GAS7: variants seen among roughly 807,000 people sequenced by gnomAD.
The protein encoded by GAS7 is growth arrest specific 7, also known as growth arrest-specific protein 7.
GAS7 carries 28 observed loss-of-function variants against 71.1 expected under a neutral mutation model. That is an observed-to-expected ratio of 0.39 (90% confidence interval 0.29 to 0.54). The LOEUF is 0.54. GAS7 is among the 20% of genes least tolerant of loss of function. The pLI, the probability that GAS7 is intolerant of heterozygous loss-of-function variation, is 0.62. For missense variants in GAS7, 436 were observed against 627.8 expected, an observed-to-expected ratio of 0.69 and a Z score of 3.27; for synonymous variants, 258 against 245.8, an observed-to-expected ratio of 1.05 and a Z score of -0.46.
At position 10,157,901 on chromosome 17, in the gene GAS7, AG is replaced by A. The variant is rs1298035057; in HGVS notation, c.183+40306del. ...ATCCACCTGCAGTCCCAGCTACTCT[AG>A]GAGGCTGGGATGGGAGGATTGCTTG... On this transcript the variant is annotated intron_variant, in intron 1 of 13. Transcript: ENST00000432992. Among the ~76,000 whole-genome samples, 5 of 152,284 alleles carry A rather than the reference AG, an allele frequency of 3.3e-5. No homozygotes were observed. The East Asian group carries it at 9.7e-4, about 29-fold the overall frequency.
At chr17:9,927,335 A>AC (rs57345129) in intron 9 of GAS7, among the ~76,000 whole-genome samples, 7 of 149,608 alleles carry the variant, frequency 4.7e-5, no homozygotes, top group African/African-American at 9.9e-5. Flanking sequence ...ACACACACAC[A>AC]AATTAGCTGG....
In GAS7 at chr17:9,943,216, T is replaced by C. The variant is rs1567803289; in HGVS notation, c.636A>G (p.Gln212=). 5 of 1,608,510 alleles carry C rather than the reference T, an allele frequency of 3.1e-6. No individual in the cohort carries two copies. The highest frequency in any genetic ancestry group is 3.4e-6 in the Non-Finnish European group (4 of 1,174,782). The part of the protein sequence containing the change: ...DYFWADKKDP[Q]GNGTVAGFEL... ...CAAACCCAGCCACGGTGCCGTTGCC[T>C]TGGGGGTCCTTCTTATCAGCCTACA... Residue 212 remains glutamine, a synonymous_variant, in exon 7 of 14, where the codon CAA becomes CAG. Coordinates refer to ENST00000432992, the MANE Select transcript of GAS7 (RefSeq NM_201433.2).
intron 1 of GAS7, among the ~76,000 whole-genome samples, chr17:10,160,710 TGTC>T (rs2074247416): frequency 6.6e-6 from 1 of 152,190 alleles, no homozygotes. Context: ...GTGCTTTGCT[TGTC>T]GTTTATTTCA....
intron 2 of GAS7, among the ~76,000 whole-genome samples, chr17:9,999,001 T>C (rs963368543): frequency 1.3e-5 from 2 of 152,210 alleles, no homozygotes; most frequent in Non-Finnish European, 2.9e-5. Context: ...TGTTGAACTG[T>C]AGCTTTTTAA....
intron 2 of GAS7, among the ~76,000 whole-genome samples, chr17:9,995,707 G>A (rs1183538362): frequency 1.3e-5 from 2 of 152,172 alleles, no homozygotes; most frequent in Non-Finnish European, 2.9e-5. Flanking sequence ...GTCTGTGAAA[G>A]GTAATTTGGA....
chr17:10,073,049 C>T lies in GAS7; in HGVS notation c.184-53152G>A, dbSNP rs569761904. Among the ~76,000 whole-genome samples, 81 of 152,222 alleles carry T rather than the reference C, an allele frequency of 5.3e-4. No individual in the cohort carries two copies. The South Asian group carries it at 6.4e-3, about 12-fold the overall frequency. On this transcript the variant is annotated intron_variant, in intron 1 of 13. Coordinates refer to ENST00000432992, the MANE Select transcript of GAS7 (RefSeq NM_201433.2). Reference sequence around the variant, plus strand: ...AAAGGTGGCCCTCCCCGGCCCAGGACCAGAGTGACAGCAAGGCAAAGGCTC... The same window carrying T: ...AAAGGTGGCCCTCCCCGGCCCAGGATCAGAGTGACAGCAAGGCAAAGGCTC...
intron 1 of GAS7, among the ~76,000 whole-genome samples, chr17:10,112,458 G>A (rs940124721): frequency 1.2e-4 from 18 of 152,182 alleles, no homozygotes; most frequent in African/African-American, 3.9e-4. Context: ...GAGTCTAGCC[G>A]GGCGCGGTGT....
At chr17:10,049,515 A>G (rs2073030486) in intron 1 of GAS7, among the ~76,000 whole-genome samples, 1 of 151,846 alleles carries the variant, frequency 6.6e-6, no homozygotes, top group African/African-American at 2.4e-5. Context: ...CGGTTGTTTC[A>G]ATTCTATTTC....
At chr17:10,082,290 A>G (rs1353190469) in intron 1 of GAS7, among the ~76,000 whole-genome samples, 1 of 152,188 alleles carries the variant, frequency 6.6e-6, no homozygotes, top group Non-Finnish European at 1.5e-5. Flanking sequence ...GAAAGAAGGG[A>G]AAGGAATTGG....
intron 2 of GAS7, among the ~76,000 whole-genome samples, chr17:9,987,260 T>G (rs1217546157): frequency 1.3e-5 from 2 of 152,052 alleles, no homozygotes; most frequent in Non-Finnish European, 2.9e-5. Flanking sequence ...GTGGAAGAAG[T>G]GAGATGTGCC....
At chr17:10,072,269 C>T (rs1454410800) in intron 1 of GAS7, among the ~76,000 whole-genome samples, 4 of 152,188 alleles carry the variant, frequency 2.6e-5, no homozygotes, top group Non-Finnish European at 5.9e-5. Context: ...TGCCCCGATA[C>T]CTGGTTCAGG....
intron 1 of GAS7, among the ~76,000 whole-genome samples, chr17:10,116,830 CACA>C (rs922352360): frequency 6.6e-6 from 1 of 151,870 alleles, no homozygotes; most frequent in Non-Finnish European, 1.5e-5. Context: ...ATACACAACC[CACA>C]ACAAGCCAGA....
At chr17:9,967,435 G>A (rs1298202576) in intron 4 of GAS7, among the ~76,000 whole-genome samples, 2 of 151,960 alleles carry the variant, frequency 1.3e-5, no homozygotes, top group Admixed American at 6.6e-5. Flanking sequence ...CTCCCCAGGC[G>A]TGACAATCCA....
At chr17:10,163,358 T>A (rs891991564) in intron 1 of GAS7, among the ~76,000 whole-genome samples, 1 of 151,110 alleles carries the variant, frequency 6.6e-6, no homozygotes, top group African/African-American at 2.4e-5. Flanking sequence ...ACTCCTGACC[T>A]CCAGTGATCC....
intron 1 of GAS7, among the ~76,000 whole-genome samples, chr17:10,074,337 G>C (rs2073370271): frequency 6.6e-6 from 1 of 152,080 alleles, no homozygotes; most frequent in South Asian, 2.1e-4. Flanking sequence ...ATACTACTTA[G>C]GTGGTTACAC....
At chr17:10,186,402 CTTT>C (rs71139025) in intron 1 of GAS7, among the ~76,000 whole-genome samples, 6 of 128,088 alleles carry the variant, frequency 4.7e-5, no homozygotes, top group Non-Finnish European at 4.9e-5. Context: ...TATTCAAAGG[CTTT>C]TTTTTTTTTT....
chr17:9,971,615 T>A (rs9892809), intron 3 of GAS7, among the ~76,000 whole-genome samples: 2 of 151,818 alleles, frequency 1.3e-5, no homozygotes, highest in Admixed American at 1.3e-4. Context: ...TCTTTGCTTT[T>A]GTTCCTGAAT....
rs373280239 is a variant in GAS7 at position 10,139,497 on chromosome 17, ACT to A, written c.183+58709_183+58710del. Among the ~76,000 whole-genome samples, 473 of 152,312 alleles carry A rather than the reference ACT, an allele frequency of 3.1e-3. 1 individual carries two copies. The highest frequency in any genetic ancestry group is 0.01 in the Middle Eastern group (3 of 294). ...TTAATTCCATTTAATCTAATTAATA[ACT>A]CTGCAATTTGTATTATTATTCCCCA... On this transcript the variant is annotated intron_variant, in intron 1 of 13. Transcript: ENST00000432992.
At chr17:10,058,572 G>A (rs2073180113) in intron 1 of GAS7, among the ~76,000 whole-genome samples, 1 of 152,200 alleles carries the variant, frequency 6.6e-6, no homozygotes, top group African/African-American at 2.4e-5. Flanking sequence ...GCCGTCTGAA[G>A]AACTCCATCT....
Sources: gnomAD v4.1 joint callset for allele counts (sites outside exome capture counted in the v4.1 genomes callset) on GRCh38, gnomAD v4.1.1 for gene constraint, MANE v1.5 for transcripts, NCBI Gene and HGNC (gene_info 2026-07-23, HGNC 2026-07-21) for gene names.